Variants in LRRIQ1 observed in about 807,000 individuals in gnomAD.
LRRIQ1 encodes the protein leucine rich repeats and IQ motif containing 1.
LRRIQ1 carries 210 observed loss-of-function variants against 211.9 expected under a neutral mutation model. The observed-to-expected ratio is 0.99, with a 90% CI of 0.89 to 1.11. The LOEUF (loss-of-function observed/expected upper bound fraction) is 1.11, where lower values mean the gene tolerates loss of function less well. Among genes scored for constraint, LRRIQ1 ranks in the 50% most tolerant of loss-of-function variants. The pLI is 0.00. For missense variants in LRRIQ1, 2,136 were observed against 1,939.5 expected, an observed-to-expected ratio of 1.10 and a Z score of -1.90; for synonymous variants, 699 against 650.1, an observed-to-expected ratio of 1.08 and a Z score of -1.14.
In LRRIQ1 at chr12:85,261,122, C is replaced by T. The variant is rs116125118; in HGVS notation, c.122-1793C>T. On this transcript the variant is annotated intron_variant, in intron 1 of 1. Transcript: ENST00000602731. Reference sequence around the variant, plus strand: ...GCCAACCATGAAGGTCTCTAAATTCCTGAGCCATGATCTGTCTCTAGCTCC... The same window carrying T: ...GCCAACCATGAAGGTCTCTAAATTCTTGAGCCATGATCTGTCTCTAGCTCC... Among the ~76,000 whole-genome samples, 952 of 152,250 alleles carry T rather than the reference C, an allele frequency of 6.3e-3. 7 individuals are homozygous for T. The highest frequency in any genetic ancestry group is 0.022 in the African/African-American group (919 of 41,542).
intron 11 of LRRIQ1, among the ~76,000 whole-genome samples, chr12:85,090,888 T>A (rs1304937855): frequency 6.6e-6 from 1 of 152,120 alleles, no homozygotes; most frequent in Non-Finnish European, 1.5e-5. Context: ...AATATCTAAA[T>A]ACAACTTGGT....
chr12:85,137,670 A>C (rs1889228902), intron 18 of LRRIQ1, among the ~76,000 whole-genome samples, 180 bp from the exon 19 acceptor site: 1 of 151,624 alleles, frequency 6.6e-6, no homozygotes, highest in Non-Finnish European at 1.5e-5. Context: ...AGAACTTTAG[A>C]CACATGTCGT....
At chr12:85,201,721 G>A (rs1377725512) in intron 24 of LRRIQ1, among the ~76,000 whole-genome samples, 4 of 150,932 alleles carry the variant, frequency 2.7e-5, no homozygotes, top group African/African-American at 4.8e-5. Flanking sequence ...TCCTATTAAT[G>A]TTTTCATAAA....
At chr12:85,203,132 A>G (rs1893384080) in intron 24 of LRRIQ1, among the ~76,000 whole-genome samples, 1 of 152,118 alleles carries the variant, frequency 6.6e-6, no homozygotes, top group Non-Finnish European at 1.5e-5. Context: ...GGTAGTGAAT[A>G]AGTCTCATAA....
intron 8 of LRRIQ1, among the ~76,000 whole-genome samples, chr12:85,060,730 T>C (rs1881693919): frequency 6.6e-6 from 1 of 151,844 alleles, no homozygotes; most frequent in South Asian, 2.1e-4. Context: ...GACCACTGAA[T>C]AAATGTTCTG....
intron 15 of LRRIQ1, among the ~76,000 whole-genome samples, chr12:85,121,469 TA>T (rs1887979984): frequency 6.6e-6 from 1 of 152,198 alleles, no homozygotes; most frequent in Non-Finnish European, 1.5e-5. Flanking sequence ...AGAAAAAGGT[TA>T]AAGAACTAAC....
chr12:85,166,030 ATG>A (rs1377295905), intron 24 of LRRIQ1, among the ~76,000 whole-genome samples: 3 of 147,328 alleles, frequency 2.0e-5, no homozygotes, highest in African/African-American at 8.1e-5. Flanking sequence ...TTTGAATCAC[ATG>A]TTTTAATTTT....
At chr12:85,152,934 G>T in intron 20 of LRRIQ1, 90 bp from the exon 21 acceptor site, 1 of 773,278 alleles carries the variant, frequency 1.3e-6, no homozygotes. Context: ...CCCTTAGGAG[G>T]CTATTTGGTA....
At chr12:85,220,768 A>G (rs913949754) in intron 24 of LRRIQ1, among the ~76,000 whole-genome samples, 2 of 149,424 alleles carry the variant, frequency 1.3e-5, no homozygotes, top group African/African-American at 2.4e-5. Context: ...AGCATTAGGT[A>G]TATCTCCTAA....
intron 19 of LRRIQ1, among the ~76,000 whole-genome samples, chr12:85,142,817 A>G (rs1889637530): frequency 6.6e-6 from 1 of 151,408 alleles, no homozygotes; most frequent in Non-Finnish European, 1.5e-5. Context: ...TTTTTTATGG[A>G]TGGATAATTT....
chr12:85,232,750 G>C lies in LRRIQ1; in HGVS notation c.5010G>C (p.Gln1670His). 1 of 1,612,094 alleles carries C rather than the reference G, an allele frequency of 6.2e-7. No individual in the cohort carries two copies. Among genetic ancestry groups the C allele is most frequent in the Non-Finnish European group, 8.5e-7 (1 of 1,178,630 alleles). The change falls in exon 26 of 27, where the codon CAG becomes CAC. Residue 1670 changes from glutamine (Q) to histidine (H), a missense_variant. Physicochemically the swap from Gln to His is conservative, Grantham distance 24. Transcript: ENST00000393217. ...ATGTACTTAATGGTGGAAGAGTTCA[G>C]CTTGTGGTAAGAAATGTGCTTAAAG... Reference protein sequence around the residue: ...DPDVLNGGRVQLVARLVSRED... With the variant: ...DPDVLNGGRVHLVARLVSRED...
At chr12:85,099,819 C>A (rs1197466943) in intron 13 of LRRIQ1, among the ~76,000 whole-genome samples, 2 of 151,744 alleles carry the variant, frequency 1.3e-5, no homozygotes. Context: ...ATCTCTTCCA[C>A]AACAGTGTTC....
chr12:85,244,716 G>A, intron 26 of LRRIQ1, 73 bp from the exon 27 acceptor site: 1 of 1,269,582 alleles, frequency 7.9e-7, no homozygotes, highest in Non-Finnish European at 1.1e-6. Context: ...TTTATTTGGG[G>A]TAATGTGAGC....
At chr12:85,162,045 A>G (rs1890916455) in intron 24 of LRRIQ1, among the ~76,000 whole-genome samples, 1 of 152,140 alleles carries the variant, frequency 6.6e-6, no homozygotes, top group Admixed American at 6.5e-5. Flanking sequence ...CCTCAAAAAA[A>G]AAAAATTAAT....
At chr12:85,110,368 T>C (rs913250868) in intron 15 of LRRIQ1, among the ~76,000 whole-genome samples, 1 of 152,148 alleles carries the variant, frequency 6.6e-6, no homozygotes, top group Admixed American at 6.6e-5. Context: ...AACACTGTTC[T>C]CATTTAATCT....
intron 11 of LRRIQ1, among the ~76,000 whole-genome samples, chr12:85,079,994 T>C (rs529491640): frequency 1.3e-5 from 2 of 152,248 alleles, no homozygotes; most frequent in African/African-American, 4.8e-5. Context: ...TCTATTAGTA[T>C]TTCCTTTATT....
chr12:85,186,289 T>G (rs1565890412), intron 24 of LRRIQ1, among the ~76,000 whole-genome samples: 1 of 152,184 alleles, frequency 6.6e-6, no homozygotes, highest in Non-Finnish European at 1.5e-5. Context: ...TGGACTTGTT[T>G]GTTCAGATGA....
At chr12:85,206,149 G>C (rs552521297) in intron 24 of LRRIQ1, among the ~76,000 whole-genome samples, 1 of 152,326 alleles carries the variant, frequency 6.6e-6, no homozygotes, top group East Asian at 1.9e-4. Context: ...ACACTGGTGA[G>C]CCTGGGACTG....
chr12:85,155,841 G>T (rs755121255), intron 23 of LRRIQ1, among the ~76,000 whole-genome samples: 5 of 151,650 alleles, frequency 3.3e-5, no homozygotes, highest in Non-Finnish European at 1.5e-5. Context: ...TTGGGGGTGA[G>T]AACATTTTTT....
Sources: allele counts gnomAD v4.1 joint callset (sites outside exome capture counted in the v4.1 genomes callset), GRCh38; gene constraint gnomAD v4.1.1; transcripts MANE v1.5; gene names NCBI Gene and HGNC (gene_info 2026-07-23, HGNC 2026-07-21).